PIEZO2: variants seen among roughly 807,000 people sequenced by gnomAD.
The protein encoded by PIEZO2 is piezo-type mechanosensitive ion channel component 2.
PIEZO2 carries 172 observed loss-of-function variants against 337.3 expected under a neutral mutation model. The ratio of observed to expected loss-of-function variants is 0.51; its 90% CI spans 0.45 to 0.58. The LOEUF (loss-of-function observed/expected upper bound fraction) is 0.58. Among genes scored for constraint, PIEZO2 ranks in the 20% least tolerant of loss-of-function variants. The pLI is 0.00. For synonymous variants in PIEZO2, 1,251 were observed against 1,228.5 expected, an observed-to-expected ratio of 1.02 and a Z score of -0.38; for missense variants, 3,028 against 3,391.3, an observed-to-expected ratio of 0.89 and a Z score of 2.66.
Position 10,682,374 on chromosome 18 carries a change from C to T in PIEZO2, c.7498-82G>A. ...CAGCGGGATTGGGGGAGAGCGAGTG[C>T]TCTTCCTGTGGTGCTGGGAACATGG... On this transcript the variant is annotated intron_variant, in intron 49 of 55. Transcript: ENST00000674853. The surrounding 1 kb of genome is among the most constrained non-coding windows in gnomAD (Gnocchi z 5.6). 8.0e-7 allele frequency: 1 copy of T among 1,254,916 alleles called. No homozygotes were observed. The highest frequency in any genetic ancestry group is 1.1e-6 in the Non-Finnish European group (1 of 918,306). 77.7% of individuals were successfully genotyped at this position (1,254,916 alleles called of 1,614,324 possible).
In PIEZO2 at chr18:10,670,529, G is replaced by A. The variant is rs2033724855; in HGVS notation, c.*998C>T. 1 of 152,156 alleles carries A rather than the reference G, an allele frequency of 6.6e-6. No homozygotes were observed. Among genetic ancestry groups the A allele is most frequent in the African/African-American group, 2.4e-5 (1 of 41,428 alleles). 9.4% of individuals were successfully genotyped at this position (152,156 alleles called of 1,614,324 possible). A position where few individuals can be genotyped will look rare whatever the true frequency, so the allele number is the denominator to read the frequency against. On this transcript the variant is annotated 3_prime_UTR_variant, in exon 56 of 56. Coordinates refer to ENST00000674853, the MANE Select transcript of PIEZO2 (RefSeq NM_001378183.1). ...TGAACTTAAAAAACCCGTCTCAGAT[G>A]TAAAAATGTGAATTGGAATATGTAA... is the stretch of plus-strand genomic sequence containing the variant.
intron 2 of PIEZO2, among the ~76,000 whole-genome samples, chr18:11,061,159 T>C (rs1460080911): frequency 4.6e-5 from 7 of 152,184 alleles, no homozygotes; most frequent in Non-Finnish European, 8.8e-5. Context: ...AAAAACCGTA[T>C]GATTATCTCA....
At chr18:11,108,422 T>C (rs1598971521) in intron 1 of PIEZO2, among the ~76,000 whole-genome samples, 1 of 151,516 alleles carries the variant, frequency 6.6e-6, no homozygotes, top group East Asian at 2.0e-4. Flanking sequence ...GAGACCATCC[T>C]GGCTAACACG....
intron 36 of PIEZO2, 120 bp downstream of exon 36, chr18:10,731,287 G>C (rs758561304): frequency 1.9e-6 from 1 of 526,730 alleles, no homozygotes; most frequent in Admixed American, 4.2e-5. Context: ...TAAAACTGTT[G>C]GCATTCTTTA....
At chr18:10,997,271 G>C (rs1249707126) in intron 2 of PIEZO2, among the ~76,000 whole-genome samples, 1 of 148,608 alleles carries the variant, frequency 6.7e-6, no homozygotes, top group Non-Finnish European at 1.5e-5. Flanking sequence ...AAGAAAGAAA[G>C]AGACAATGAA....
At chr18:10,778,134 T>C (rs897807903) in intron 18 of PIEZO2, among the ~76,000 whole-genome samples, 7 of 152,170 alleles carry the variant, frequency 4.6e-5, no homozygotes, top group Admixed American at 3.9e-4. Flanking sequence ...TATAAACATT[T>C]TATTCTCCTT....
In PIEZO2 at chr18:10,813,876, C is replaced by T. The variant is rs2040272225; in HGVS notation, c.918-6602G>A. Among the ~76,000 whole-genome samples, 3 of 152,146 alleles carry T rather than the reference C, an allele frequency of 2.0e-5. No homozygotes were observed. Among genetic ancestry groups the T allele is most frequent in the South Asian group, 2.1e-4 (1 of 4,828 alleles). Reference sequence around the variant, plus strand: ...CGATTTTACATTCCCACCAGCAGTGCACAGTCTTCCAGTTTCCCTATAGCC... The same window carrying T: ...CGATTTTACATTCCCACCAGCAGTGTACAGTCTTCCAGTTTCCCTATAGCC... On this transcript the variant is annotated intron_variant, in intron 7 of 55. Transcript: ENST00000674853. The surrounding 1 kb of genome is among the most constrained non-coding windows in gnomAD (Gnocchi z 4.2).
At position 10,675,191 on chromosome 18, in the gene PIEZO2, A is replaced by C; in HGVS notation, c.8161+18T>G. Reference sequence around the variant, plus strand: ...TAGGATTGAAAACAATTCTGAAACAAATTTTTCTCATTCTTACCAGATAAA... The same window carrying C: ...TAGGATTGAAAACAATTCTGAAACACATTTTTCTCATTCTTACCAGATAAA... On this transcript the variant is annotated intron_variant, in intron 54 of 55. Coordinates refer to ENST00000674853, the MANE Select transcript of PIEZO2 (RefSeq NM_001378183.1). 6.7e-7 allele frequency: 1 copy of C among 1,498,606 alleles called. No individual in the cohort carries two copies. The highest frequency in any genetic ancestry group is 1.2e-5 in the South Asian group (1 of 81,708). 92.8% of individuals were successfully genotyped at this position (1,498,606 alleles called of 1,614,324 possible). A position where few individuals can be genotyped will look rare whatever the true frequency, so the allele number is the denominator to read the frequency against.
intron 49 of PIEZO2, among the ~76,000 whole-genome samples, chr18:10,688,576 C>A (rs142264212): frequency 1.2e-3 from 181 of 152,278 alleles, no homozygotes; most frequent in African/African-American, 3.9e-3. Context: ...TCTTCATATT[C>A]CATTGAAACA....
intron 7 of PIEZO2, among the ~76,000 whole-genome samples, chr18:10,839,687 C>A (rs1357102077): frequency 6.6e-6 from 1 of 152,184 alleles, no homozygotes; most frequent in African/African-American, 2.4e-5. Flanking sequence ...GATCTCAACC[C>A]CAGGATAGTA....
At chr18:10,884,934 T>C (rs1045968915) in intron 4 of PIEZO2, among the ~76,000 whole-genome samples, 4 of 151,918 alleles carry the variant, frequency 2.6e-5, no homozygotes, top group African/African-American at 9.7e-5. Flanking sequence ...GACCCATTCC[T>C]TCTCATTTAT....
intron 2 of PIEZO2, among the ~76,000 whole-genome samples, chr18:11,042,376 C>T (rs2037156053): frequency 6.6e-6 from 1 of 152,218 alleles, no homozygotes; most frequent in African/African-American, 2.4e-5. Context: ...TGGCCATGTG[C>T]ACTTCATACA....
chr18:10,972,440 G>A (rs1237495516), intron 3 of PIEZO2, among the ~76,000 whole-genome samples: 1 of 152,160 alleles, frequency 6.6e-6, no homozygotes, highest in Non-Finnish European at 1.5e-5. Context: ...GGCCAGGCCA[G>A]GCCCAAGGCT....
In PIEZO2 at chr18:10,815,243, A is replaced by C. The variant is rs570367128; in HGVS notation, c.918-7969T>G. Among the ~76,000 whole-genome samples, 1 of 152,360 alleles carries C rather than the reference A, an allele frequency of 6.6e-6. No individual in the cohort carries two copies. Among genetic ancestry groups the C allele is most frequent in the South Asian group, 2.1e-4 (1 of 4,822 alleles). The stretch of plus-strand genomic sequence containing the variant: ...ATTTTAAAGCACACCTTTTAAATGA[A>C]ATTGCCTTAGCATGAACTCAGGATA... On this transcript the variant is annotated intron_variant, in intron 7 of 55. Coordinates refer to ENST00000674853, the MANE Select transcript of PIEZO2 (RefSeq NM_001378183.1). This position sits in a 1 kb window ranked among gnomAD's most constrained non-coding sequence, Gnocchi z 4.1.
At chr18:10,885,389 A>C (rs2042549163) in intron 4 of PIEZO2, among the ~76,000 whole-genome samples, 1 of 152,154 alleles carries the variant, frequency 6.6e-6, no homozygotes. Context: ...GAGCAACTGC[A>C]CTCCAGCCTG....
Position 11,125,672 on chromosome 18 carries a change from G to A in PIEZO2, c.64+22853C>T, listed in dbSNP as rs915125056. On this transcript the variant is annotated intron_variant, in intron 1 of 55. Coordinates refer to ENST00000674853, the MANE Select transcript of PIEZO2 (RefSeq NM_001378183.1). This position sits in a 1 kb window ranked among gnomAD's most constrained non-coding sequence, Gnocchi z 4.4. ...AAAGAAACTTCAAAGCCAGGATTGC[G>A]TAGGTCTATGCCAGGAAAAGAGAGT... Among the ~76,000 whole-genome samples, 15 of 152,206 alleles carry A rather than the reference G, an allele frequency of 9.9e-5. No homozygotes were observed. Among genetic ancestry groups the A allele is most frequent in the Admixed American group, 2.6e-4 (4 of 15,284 alleles).
intron 35 of PIEZO2, among the ~76,000 whole-genome samples, chr18:10,732,132 G>T (rs10163716): frequency 0.33 from 49,532 of 152,022 alleles, 8,922 homozygotes; most frequent in East Asian, 0.53. Flanking sequence ...GTCATTTTCA[G>T]TCAAGAGCTG....
At chr18:10,765,808 A>C (rs1881089) in intron 21 of PIEZO2, among the ~76,000 whole-genome samples, 126,789 of 151,738 alleles carry the variant, frequency 0.84, 53,463 homozygotes, top group African/African-American at 0.95. Flanking sequence ...GTGGACAGAG[A>C]CTGAGGAACA....
In PIEZO2 at chr18:10,672,668, G is replaced by C; in HGVS notation, c.8345+22C>G. Reference sequence around the variant, plus strand: ...TACAGAAGTAGACTCTTGTAACTGTGAATTGTTCAATGAGTCCTTACCCAT... The same window carrying C: ...TACAGAAGTAGACTCTTGTAACTGTCAATTGTTCAATGAGTCCTTACCCAT... On this transcript the variant is annotated intron_variant, in intron 55 of 55. Transcript: ENST00000674853. The surrounding 1 kb of genome is among the most constrained non-coding windows in gnomAD (Gnocchi z 4.7). The C allele has an allele frequency of 1.2e-6, 2 of 1,602,618 alleles. No homozygotes were observed. The highest frequency in any genetic ancestry group is 1.7e-6 in the Non-Finnish European group (2 of 1,176,612).
Sources: allele counts gnomAD v4.1 joint callset (sites outside exome capture counted in the v4.1 genomes callset), GRCh38; gene constraint gnomAD v4.1.1; non-coding constraint Gnocchi (gnomAD v3.1); transcripts MANE v1.5; gene names NCBI Gene and HGNC (gene_info 2026-07-23, HGNC 2026-07-21).